The following REEP5 variants were observed in gnomAD, a reference collection of about 807,000 sequenced individuals.
REEP5 encodes receptor accessory protein 5.
In REEP5, 24 loss-of-function variants were observed where a neutral mutation model predicts 22.4. That is an observed-to-expected ratio of 1.07 (90% CI 0.78 to 1.51). The LOEUF (loss-of-function observed/expected upper bound fraction) is 1.51. Among genes scored for constraint, REEP5 ranks in the 40% most tolerant of loss-of-function variants. The pLI, the probability that REEP5 is intolerant of heterozygous loss-of-function variation, is 0.00. For synonymous variants in REEP5, 103 were observed against 88.6 expected (o/e 1.16, Z -0.92); for missense variants, 252 against 233.0 (o/e 1.08, Z -0.53).
rs373644698 is a variant in REEP5 at position 112,902,353 on chromosome 5, G to C, written c.351+27C>G. ...TCTTCTATACAGGTACTGAGATGGA[G>C]TTTTAGTGGTAGCAAGACCAACATA... On this transcript the variant is annotated intron_variant, in intron 3 of 4. Coordinates refer to ENST00000379638, the MANE Select transcript of REEP5 (RefSeq NM_005669.5). 7.5e-5 allele frequency: 119 copies of C among 1,592,794 alleles called. No individual in the cohort carries two copies. In the African/African-American group the frequency reaches 1.5e-3, roughly 20 times the overall value.
intron 1 of REEP5, 64 bp downstream of exon 1, chr5:112,922,009 C>T: frequency 6.5e-7 from 1 of 1,541,550 alleles, no homozygotes; most frequent in Non-Finnish European, 8.7e-7. Context: ...GCTTCCTTCC[C>T]CAGCAGCTGG....
chr5:112,897,433 C>T (rs10046063), intron 3 of REEP5: 5,064 of 151,702 alleles, frequency 0.033, 122 homozygotes, highest in Non-Finnish European at 0.051. Flanking sequence ...TTGTTTTATT[C>T]GCCAAAGTAT....
At chr5:112,918,553 G>A (rs919565602) in intron 2 of REEP5, among the ~76,000 whole-genome samples, 2 of 152,222 alleles carry the variant, frequency 1.3e-5, no homozygotes, top group Non-Finnish European at 2.9e-5. Context: ...AGAAAGGAAG[G>A]AAGTAAATTA....
intron 4 of REEP5, among the ~76,000 whole-genome samples, chr5:112,881,705 A>C (rs1479770589): frequency 6.6e-6 from 1 of 152,056 alleles, no homozygotes; most frequent in Non-Finnish European, 1.5e-5. Flanking sequence ...CTCTTGGGCT[A>C]CTTTGCCTTA....
At chr5:112,901,167 C>A (rs1768834428) in intron 3 of REEP5, among the ~76,000 whole-genome samples, 2 of 152,082 alleles carry the variant, frequency 1.3e-5, no homozygotes, top group African/African-American at 4.8e-5. Flanking sequence ...AAAAACAACA[C>A]AATCAACTAC....
intron 4 of REEP5, among the ~76,000 whole-genome samples, chr5:112,883,728 C>G (rs1454680357): frequency 6.6e-6 from 1 of 152,192 alleles, no homozygotes; most frequent in Non-Finnish European, 1.5e-5. Context: ...TTGTAGGTAT[C>G]TAACAAACAG....
At chr5:112,898,124 G>C (rs1467642246) in intron 3 of REEP5, 1 of 152,168 alleles carries the variant, frequency 6.6e-6, no homozygotes, top group Non-Finnish European at 1.5e-5. Flanking sequence ...CTTCCAGTCA[G>C]CATGCGATTG....
intron 2 of REEP5, among the ~76,000 whole-genome samples, chr5:112,903,100 T>C (rs1768885152): frequency 6.6e-6 from 1 of 152,178 alleles, no homozygotes; most frequent in South Asian, 2.1e-4. Flanking sequence ...CCTCCTCTCC[T>C]CAGTTAATAA....
chr5:112,892,712 C>T (rs759009328), intron 3 of REEP5: 6 of 1,614,098 alleles, frequency 3.7e-6, no homozygotes, highest in Non-Finnish European at 5.1e-6. Context: ...TCAGATCAGA[C>T]TGGCTCCTCC....
chr5:112,892,860 TA>T lies in REEP5; in HGVS notation c.352-5678del, dbSNP rs766718429. The stretch of plus-strand genomic sequence containing the variant: ...AATCCGAGAGAAAAAAGAGTAGTCA[TA>T]GGGGGAAGAAATCTCACAAACGCAC... On this transcript the variant is annotated intron_variant, in intron 3 of 4. Coordinates refer to ENST00000379638, the MANE Select transcript of REEP5 (RefSeq NM_005669.5). 2.0e-4 allele frequency: 328 copies of T among 1,612,576 alleles called. No individual in the cohort carries two copies. The Middle Eastern group carries it at 5.1e-3, about 25-fold the overall frequency.
At chr5:112,881,911 C>G (rs909182755) in intron 4 of REEP5, 1 of 150,814 alleles carries the variant, frequency 6.6e-6, no homozygotes, top group Non-Finnish European at 1.5e-5. Flanking sequence ...ACTACTGGTA[C>G]GCATCACCAC....
Position 112,878,585 on chromosome 5 carries a change from C to G in REEP5, c.*201G>C. 1 of 676,208 alleles carries G rather than the reference C, an allele frequency of 1.5e-6. No homozygotes were observed. The highest frequency in any genetic ancestry group is 2.7e-5 in the South Asian group (1 of 37,236). 41.9% of individuals were successfully genotyped at this position (676,208 alleles called of 1,614,324 possible). On this transcript the variant is annotated 3_prime_UTR_variant, in exon 5 of 5. Coordinates refer to ENST00000379638, the MANE Select transcript of REEP5 (RefSeq NM_005669.5). ...ATTTTCCAAAAACGTGGACACTGCC[C>G]ACTGCATTAAGTTTAAAGTGCTCCC...
At chr5:112,907,178 G>C (rs1390154496) in intron 2 of REEP5, among the ~76,000 whole-genome samples, 1 of 152,144 alleles carries the variant, frequency 6.6e-6, no homozygotes, top group East Asian at 1.9e-4. Flanking sequence ...GTTCTGGAAT[G>C]ACCCCATGGC....
intron 3 of REEP5, chr5:112,898,433 G>A (rs1296923768): frequency 6.6e-6 from 1 of 152,226 alleles, no homozygotes; most frequent in African/African-American, 2.4e-5. Flanking sequence ...AGGGAAGAAA[G>A]TCTGCTACAA....
At chr5:112,908,111 T>TG (rs1768999978) in intron 2 of REEP5, among the ~76,000 whole-genome samples, 1 of 148,848 alleles carries the variant, frequency 6.7e-6, no homozygotes, top group African/African-American at 2.5e-5. Context: ...GTTTTTTTTT[T>TG]TTTTTTTTGA....
chr5:112,921,462 C>G, intron 1 of REEP5: 1 of 597,712 alleles, frequency 1.7e-6, no homozygotes, highest in East Asian at 2.8e-5. Flanking sequence ...GGCAGCCCCA[C>G]CATTGTGCCT....
At chr5:112,903,338 T>A (rs116616607) in intron 2 of REEP5, among the ~76,000 whole-genome samples, 1,800 of 152,294 alleles carry the variant, frequency 0.012, 9 homozygotes, top group Middle Eastern at 0.037. Flanking sequence ...TTGTTTAGCC[T>A]ATGAAACAGG....
At chr5:112,880,024 G>A (rs999226520) in intron 4 of REEP5, among the ~76,000 whole-genome samples, 3 of 152,006 alleles carry the variant, frequency 2.0e-5, no homozygotes, top group South Asian at 4.1e-4. Flanking sequence ...TTTAAAATCT[G>A]TATTTATACT....
At chr5:112,883,427 T>C (rs983519233) in intron 4 of REEP5, among the ~76,000 whole-genome samples, 2 of 152,236 alleles carry the variant, frequency 1.3e-5, no homozygotes, top group Non-Finnish European at 2.9e-5. Context: ...AGAAAAACTT[T>C]CTGTTCTTGG....
Sources: gnomAD v4.1 joint callset for allele counts (sites outside exome capture counted in the v4.1 genomes callset) on GRCh38, gnomAD v4.1.1 for gene constraint, MANE v1.5 for transcripts, NCBI Gene and HGNC (gene_info 2026-07-23, HGNC 2026-07-21) for gene names.